Variants in IFT56 observed in about 807,000 individuals in gnomAD.
The protein encoded by IFT56 is intraflagellar transport protein 56.
the IFT56 span, chr7:139,189,661 A>G: frequency 3.1e-6 from 1 of 320,994 alleles, no homozygotes; most frequent in Non-Finnish European, 5.8e-6. Flanking sequence ...TTTTGGACTT[A>G]TCTGGTGCCT....
the IFT56 span, chr7:139,161,256 T>C: frequency 7.0e-6 from 3 of 425,862 alleles, no homozygotes; most frequent in Non-Finnish European, 1.2e-5. Context: ...CAAGGCAGTG[T>C]AGATCCAGGT....
chr7:139,150,188 A>C, the IFT56 span, among the ~76,000 whole-genome samples: 1 of 152,166 alleles, frequency 6.6e-6, no homozygotes, highest in Non-Finnish European at 1.5e-5. Context: ...TAGTCATTTC[A>C]ACTAAGGAGT....
the IFT56 span, among the ~76,000 whole-genome samples, chr7:139,143,841 AT>A: frequency 6.6e-6 from 1 of 151,950 alleles, no homozygotes; most frequent in East Asian, 1.9e-4. Flanking sequence ...AGTTATGTAC[AT>A]TGGGAATATT....
the IFT56 span, chr7:139,172,698 C>A: frequency 1.6e-6 from 1 of 622,178 alleles, no homozygotes; most frequent in East Asian, 4.2e-5. Context: ...GGAAGTTTTA[C>A]AAACAATCGC....
the IFT56 span, among the ~76,000 whole-genome samples, chr7:139,144,192 C>T: frequency 1.3e-5 from 2 of 151,906 alleles, no homozygotes; most frequent in African/African-American, 2.4e-5. Flanking sequence ...GTGATGAATT[C>T]TCTCAGTTTT....
At chr7:139,166,532 G>A in the IFT56 span, among the ~76,000 whole-genome samples, 2 of 147,318 alleles carry the variant, frequency 1.4e-5, no homozygotes, top group Non-Finnish European at 3.0e-5. Flanking sequence ...ATATATATAT[G>A]TATCTCTTTT....
the IFT56 span, among the ~76,000 whole-genome samples, chr7:139,164,580 C>T: frequency 1.3e-5 from 2 of 152,024 alleles, no homozygotes; most frequent in East Asian, 3.8e-4. Context: ...TAGATCACGG[C>T]TTTCTTTCAA....
At chr7:139,178,118 T>C in the IFT56 span, 11 of 872,042 alleles carry the variant, frequency 1.3e-5, no homozygotes, top group East Asian at 1.8e-4. Context: ...TTTTGGAATA[T>C]TTTCCTGTCT....
At chr7:139,147,092 C>T in the IFT56 span, 2 of 1,604,364 alleles carry the variant, frequency 1.2e-6, no homozygotes, top group South Asian at 1.1e-5. Flanking sequence ...ATTGATTTCT[C>T]TAACAACACT....
chr7:139,173,597 G>A, the IFT56 span: 16 of 818,524 alleles, frequency 2.0e-5, no homozygotes, highest in East Asian at 1.2e-4. Context: ...GTAATCAAAG[G>A]TTATTCTTAA....
chr7:139,189,622 G>T, the IFT56 span: 1 of 465,916 alleles, frequency 2.1e-6, no homozygotes. Flanking sequence ...CATAGTCTGT[G>T]ACCCTGTATG....
the IFT56 span, among the ~76,000 whole-genome samples, chr7:139,180,226 G>A: frequency 1.3e-5 from 2 of 152,058 alleles, no homozygotes; most frequent in Admixed American, 6.5e-5. Flanking sequence ...AGTCCCAGCT[G>A]CTCGGGAGGC....
At chr7:139,183,758 GT>G in the IFT56 span, among the ~76,000 whole-genome samples, 4 of 151,510 alleles carry the variant, frequency 2.6e-5, no homozygotes, top group Admixed American at 6.6e-5. Context: ...TTGCATTCCT[GT>G]GTATTTATCC....
chr7:139,189,234 C>T, the IFT56 span: 1 of 929,254 alleles, frequency 1.1e-6, no homozygotes, highest in South Asian at 1.8e-5. Flanking sequence ...ACAAGACATA[C>T]AGTATGAAGG....
chr7:139,186,435 A>G, the IFT56 span, among the ~76,000 whole-genome samples: 1 of 152,002 alleles, frequency 6.6e-6, no homozygotes, highest in East Asian at 1.9e-4. Flanking sequence ...CTAAAAAAAA[A>G]AAAAGAATAA....
At chr7:139,134,887 G>A in the IFT56 span, 1 of 1,336,006 alleles carries the variant, frequency 7.5e-7, no homozygotes, top group Middle Eastern at 2.2e-4. Flanking sequence ...TGAAATAGGT[G>A]GGTGCATTCT....
At chr7:139,173,641 C>A in the IFT56 span, 9 of 783,918 alleles carry the variant, frequency 1.1e-5, no homozygotes, top group Admixed American at 1.4e-4. Context: ...GGTCAACATT[C>A]TTTTCTTCTG....
chr7:139,168,979 C>T, the IFT56 span, among the ~76,000 whole-genome samples: 3 of 152,138 alleles, frequency 2.0e-5, no homozygotes, highest in Non-Finnish European at 2.9e-5. Flanking sequence ...GTTATATCTA[C>T]AGCTCCTGTT....
chr7:139,178,661 C>A, the IFT56 span: 1 of 1,436,622 alleles, frequency 7.0e-7, no homozygotes, highest in South Asian at 1.2e-5. Context: ...ATCTTTTTCT[C>A]ACTGGAATAA....
Sources: allele counts gnomAD v4.1 joint callset (sites outside exome capture counted in the v4.1 genomes callset), GRCh38; gene constraint gnomAD v4.1.1; transcripts MANE v1.5; gene names NCBI Gene and HGNC (gene_info 2026-07-23, HGNC 2026-07-21).